DPF3: variants seen among roughly 807,000 people sequenced by gnomAD.
DPF3 encodes the protein zinc finger protein DPF3.
Under a neutral mutation model 56.8 loss-of-function variants are expected in DPF3, and 18 were observed. The observed-to-expected ratio is 0.32, with a 90% confidence interval of 0.22 to 0.47. The LOEUF is 0.47. DPF3 is among the 20% of genes least tolerant of loss of function. DPF3 has a pLI of 1.00. For missense variants in DPF3, 403 were observed against 488.8 expected (o/e 0.82, Z 1.65); for synonymous variants, 188 against 180.2 (o/e 1.04, Z -0.35).
intron 1 of DPF3, among the ~76,000 whole-genome samples, chr14:72,817,779 C>CTACA (rs1883353696): frequency 6.6e-6 from 1 of 152,092 alleles, no homozygotes; most frequent in Admixed American, 6.6e-5. Context: ...AATTTCTAGG[C>CTACA]TACATAGCAA....
At chr14:72,770,974 C>T (rs1167123894) in intron 2 of DPF3, among the ~76,000 whole-genome samples, 2 of 95,084 alleles carry the variant, frequency 2.1e-5, no homozygotes, top group Non-Finnish European at 4.7e-5. Context: ...ATCAGGAGTT[C>T]GAGACAGCCT....
chr14:72,680,116 G>C (rs375967077), intron 7 of DPF3, among the ~76,000 whole-genome samples: 64 of 152,308 alleles, frequency 4.2e-4, no homozygotes, highest in African/African-American at 1.5e-3. Flanking sequence ...TAAAAGTGGC[G>C]TGATAGAGAC....
At chr14:72,715,408 T>A (rs1888874260) in intron 5 of DPF3, among the ~76,000 whole-genome samples, 1 of 152,048 alleles carries the variant, frequency 6.6e-6, no homozygotes, top group African/African-American at 2.4e-5. Context: ...CACCCTCGCC[T>A]CTCCAGGTCA....
intron 6 of DPF3, among the ~76,000 whole-genome samples, chr14:72,699,349 A>G (rs1888056154): frequency 6.6e-6 from 1 of 151,884 alleles, no homozygotes; most frequent in Admixed American, 6.6e-5. Flanking sequence ...GCAAGGCCCC[A>G]TCTCTGCAAA....
intron 6 of DPF3, among the ~76,000 whole-genome samples, chr14:72,701,272 G>A (rs969189048): frequency 6.6e-6 from 1 of 152,188 alleles, no homozygotes; most frequent in African/African-American, 2.4e-5. Context: ...CTTGGCAAGC[G>A]TGCACCTGGA....
chr14:72,840,195 A>G (rs1395331191), intron 1 of DPF3, among the ~76,000 whole-genome samples: 1 of 152,212 alleles, frequency 6.6e-6, no homozygotes, highest in Non-Finnish European at 1.5e-5. Context: ...CTTGTAACAC[A>G]GCTGATCTGG....
At chr14:72,671,570 A>G (rs1886678895) in intron 8 of DPF3, 2 of 705,100 alleles carry the variant, frequency 2.8e-6, no homozygotes, top group African/African-American at 1.7e-5. Flanking sequence ...ACCATAGTAC[A>G]TATGTCCACA....
intron 1 of DPF3, among the ~76,000 whole-genome samples, chr14:72,848,292 T>C (rs978115581): frequency 6.6e-6 from 1 of 152,110 alleles, no homozygotes; most frequent in African/African-American, 2.4e-5. Context: ...GCTTCCCAAG[T>C]AGCTGGGATT....
At chr14:72,722,786 C>T (rs749510625) in intron 5 of DPF3, among the ~76,000 whole-genome samples, 21 of 152,346 alleles carry the variant, frequency 1.4e-4, no homozygotes, top group Middle Eastern at 3.4e-3. Flanking sequence ...AAAGCCCCTT[C>T]GGGCGTGAAC....
chr14:72,627,497 C>A (rs1360997068), intron 9 of DPF3, among the ~76,000 whole-genome samples: 1 of 152,042 alleles, frequency 6.6e-6, no homozygotes, highest in Non-Finnish European at 1.5e-5. Context: ...TCTATTCTAT[C>A]TCAGCTGGTC....
chr14:72,620,088 T>C, intron 9 of DPF3, 104 bp from the exon 10 acceptor site: 1 of 1,214,572 alleles, frequency 8.2e-7, no homozygotes, highest in Non-Finnish European at 1.1e-6. Flanking sequence ...TCGGTCTCAC[T>C]GGATCCCCTT....
At chr14:72,741,316 C>T (rs1890113158) in intron 3 of DPF3, among the ~76,000 whole-genome samples, 1 of 152,192 alleles carries the variant, frequency 6.6e-6, no homozygotes, top group Admixed American at 6.5e-5. Flanking sequence ...CCACATCTCA[C>T]AGATGAAGGA....
chr14:72,643,174 G>A (rs1432860942), intron 8 of DPF3, among the ~76,000 whole-genome samples: 1 of 152,174 alleles, frequency 6.6e-6, no homozygotes, highest in African/African-American at 2.4e-5. Context: ...CAACCCAATG[G>A]CATTTCAGCT....
chr14:72,796,136 A>G (rs1892636971), intron 1 of DPF3, among the ~76,000 whole-genome samples: 1 of 152,186 alleles, frequency 6.6e-6, no homozygotes, highest in South Asian at 2.1e-4. Flanking sequence ...AATATATGAG[A>G]CTTGAATTTG....
chr14:72,825,301 G>A (rs1883746254), intron 1 of DPF3, among the ~76,000 whole-genome samples: 1 of 152,198 alleles, frequency 6.6e-6, no homozygotes, highest in Non-Finnish European at 1.5e-5. Context: ...CTCTTCCCCA[G>A]AGCAGACACT....
At chr14:72,858,708 C>G (rs1247990155) in intron 1 of DPF3, among the ~76,000 whole-genome samples, 1 of 152,192 alleles carries the variant, frequency 6.6e-6, no homozygotes, top group Non-Finnish European at 1.5e-5. Flanking sequence ...TAAAATACTA[C>G]TCAGAGATTC....
chr14:72,698,835 T>A lies in DPF3; in HGVS notation c.605-5622A>T, dbSNP rs896387464. The stretch of plus-strand genomic sequence containing the variant: ...ATAAGTGGATGAGCATCTGTATGCA[T>A]CTCTCCCACTGGCAGCAAGCATGGC... On this transcript the variant is annotated intron_variant, in intron 6 of 10. Transcript: ENST00000556509. Among the ~76,000 whole-genome samples, 11 of 151,384 alleles carry A rather than the reference T, an allele frequency of 7.3e-5. No homozygotes were observed. In the East Asian group the frequency reaches 2.1e-3, roughly 30 times the overall value.
chr14:72,690,568 A>G (rs996806983), intron 7 of DPF3, among the ~76,000 whole-genome samples: 5 of 151,368 alleles, frequency 3.3e-5, no homozygotes, highest in Non-Finnish European at 7.4e-5. Flanking sequence ...ACGCACACAC[A>G]CAACGTACAT....
chr14:72,677,546 C>T lies in DPF3; in HGVS notation c.743-3178G>A, dbSNP rs79473120. Among the ~76,000 whole-genome samples the T allele has an allele frequency of 2.0e-5, 3 of 152,264 alleles. No homozygotes were observed. The East Asian group carries it at 5.8e-4, about 29-fold the overall frequency. ...TCCCCGTTTCACATTATCATCTCTCCATATTAAATAGGTCTACTCCTTCAG... is the reference window on the plus strand; with the variant it reads ...TCCCCGTTTCACATTATCATCTCTCTATATTAAATAGGTCTACTCCTTCAG... On this transcript the variant is annotated intron_variant, in intron 7 of 10. Coordinates refer to ENST00000556509, the MANE Select transcript of DPF3 (RefSeq NM_001280542.3).
Sources: allele counts gnomAD v4.1 joint callset (sites outside exome capture counted in the v4.1 genomes callset), GRCh38; gene constraint gnomAD v4.1.1; transcripts MANE v1.5; gene names NCBI Gene and HGNC (gene_info 2026-07-23, HGNC 2026-07-21).